The following KSR2 variants were observed in gnomAD, a reference collection of about 807,000 sequenced individuals.
KSR2 encodes kinase suppressor of ras 2.
KSR2 carries 25 observed loss-of-function variants against 107.8 expected under a neutral mutation model. The observed-to-expected ratio is 0.23, with a 90% confidence interval of 0.17 to 0.32. The LOEUF (loss-of-function observed/expected upper bound fraction) is 0.32. Ranked by LOEUF, KSR2 falls within the 10% of genes least tolerant of loss-of-function variation. KSR2 has a pLI of 1.00. For missense variants in KSR2, 887 were observed against 1,268.9 expected (o/e 0.70, Z 4.57); for synonymous variants, 480 against 507.0 (o/e 0.95, Z 0.71).
chr12:117,695,128 C>G (rs1326012391), intron 4 of KSR2, among the ~76,000 whole-genome samples: 1 of 151,938 alleles, frequency 6.6e-6, no homozygotes, highest in African/African-American at 2.4e-5. Context: ...GGATTACAGG[C>G]GTGAGCCACC....
At chr12:117,544,976 G>A (rs2137300540) in intron 9 of KSR2, among the ~76,000 whole-genome samples, 1 of 152,214 alleles carries the variant, frequency 6.6e-6, no homozygotes, top group South Asian at 2.1e-4. Context: ...TATTTTAGGT[G>A]CTTTTATCAA....
intron 5 of KSR2, among the ~76,000 whole-genome samples, chr12:117,646,295 G>C (rs957018402): frequency 6.6e-6 from 1 of 152,140 alleles, no homozygotes; most frequent in Non-Finnish European, 1.5e-5. Context: ...CTTGTTATTT[G>C]GCCCTCTGCA....
At chr12:117,593,223 T>C (rs1880429408) in intron 5 of KSR2, among the ~76,000 whole-genome samples, 2 of 152,146 alleles carry the variant, frequency 1.3e-5, no homozygotes, top group South Asian at 4.2e-4. Flanking sequence ...TGGCTCGGAC[T>C]TAAACGAGGA....
intron 3 of KSR2, among the ~76,000 whole-genome samples, chr12:117,816,332 C>T (rs569143719): frequency 2.0e-5 from 3 of 152,234 alleles, no homozygotes; most frequent in South Asian, 4.2e-4. Flanking sequence ...CATCAACCTC[C>T]AGCCATGTGA....
At chr12:117,546,052 C>G (rs1327984698) in intron 9 of KSR2, among the ~76,000 whole-genome samples, 3 of 152,174 alleles carry the variant, frequency 2.0e-5, no homozygotes, top group East Asian at 3.8e-4. Context: ...ATTGTATCTA[C>G]TAGTATTTGT....
intron 1 of KSR2, among the ~76,000 whole-genome samples, chr12:117,925,958 A>T (rs1473328138): frequency 2.6e-5 from 4 of 152,198 alleles, no homozygotes; most frequent in East Asian, 1.9e-4. Context: ...GCACTTTGGG[A>T]GGCTGAGGCG....
At chr12:117,624,312 C>T (rs2136348981) in intron 5 of KSR2, among the ~76,000 whole-genome samples, 1 of 152,270 alleles carries the variant, frequency 6.6e-6, no homozygotes, top group African/African-American at 2.4e-5. Context: ...TGCCTATGTC[C>T]TGAATGTATT....
intron 3 of KSR2, among the ~76,000 whole-genome samples, chr12:117,819,400 A>C (rs1221896503): frequency 1.3e-5 from 2 of 152,238 alleles, no homozygotes; most frequent in African/African-American, 2.4e-5. Context: ...AGGGATCCAG[A>C]GTTGCTGAGA....
chr12:117,545,574 A>G (rs1381226850), intron 9 of KSR2, among the ~76,000 whole-genome samples: 1 of 152,176 alleles, frequency 6.6e-6, no homozygotes, highest in Non-Finnish European at 1.5e-5. Flanking sequence ...TATAAAATGT[A>G]TATGTGTAGC....
At chr12:117,628,020 C>T (rs1377417228) in intron 5 of KSR2, among the ~76,000 whole-genome samples, 3 of 152,102 alleles carry the variant, frequency 2.0e-5, no homozygotes, top group African/African-American at 7.2e-5. Context: ...GCACGCGTCA[C>T]GAAGTTCTCG....
intron 1 of KSR2, among the ~76,000 whole-genome samples, chr12:117,888,302 A>T (rs1894238269): frequency 6.6e-6 from 1 of 152,222 alleles, no homozygotes; most frequent in Non-Finnish European, 1.5e-5. Flanking sequence ...TATACAAATA[A>T]ATGTTCCACC....
chr12:117,747,738 A>G (rs977021406), intron 4 of KSR2, among the ~76,000 whole-genome samples: 3 of 152,232 alleles, frequency 2.0e-5, no homozygotes, highest in African/African-American at 7.2e-5. Context: ...ATTGCAAATT[A>G]AAACCACAAT....
At chr12:117,702,375 A>G (rs1886365499) in intron 4 of KSR2, among the ~76,000 whole-genome samples, 1 of 140,134 alleles carries the variant, frequency 7.1e-6, no homozygotes, top group South Asian at 2.3e-4. Context: ...TCACCGAGCT[A>G]TCTACACAGC....
chr12:117,889,895 G>A (rs1894288956), intron 1 of KSR2, among the ~76,000 whole-genome samples: 1 of 152,142 alleles, frequency 6.6e-6, no homozygotes, highest in Non-Finnish European at 1.5e-5. Flanking sequence ...CCACAACAGG[G>A]AGGTATTCAC....
In KSR2 at chr12:117,543,704, C is replaced by T. The variant is rs116307131; in HGVS notation, c.1519-3817G>A. Among the ~76,000 whole-genome samples the T allele has an allele frequency of 3.7e-3, 571 of 152,300 alleles. 4 individuals are homozygous for T. The highest frequency in any genetic ancestry group is 0.013 in the African/African-American group (540 of 41,560). On this transcript the variant is annotated intron_variant, in intron 9 of 19. Transcript: ENST00000339824. Reference sequence around the variant, plus strand: ...TATGGGTATCAGTTTCCTAGGACTGCTGTAACAAAGTACCATAAACTGAGT... The same window carrying T: ...TATGGGTATCAGTTTCCTAGGACTGTTGTAACAAAGTACCATAAACTGAGT...
chr12:117,802,230 C>T (rs987805573), intron 3 of KSR2, among the ~76,000 whole-genome samples: 18 of 152,026 alleles, frequency 1.2e-4, no homozygotes, highest in African/African-American at 3.9e-4. Flanking sequence ...TCTCCCAAGC[C>T]GTTGGTGTAG....
At chr12:117,630,628 G>T (rs1382963443) in intron 5 of KSR2, among the ~76,000 whole-genome samples, 1 of 152,172 alleles carries the variant, frequency 6.6e-6, no homozygotes, top group African/African-American at 2.4e-5. Context: ...GGGAAACGAG[G>T]AGTTAGGAGA....
chr12:117,836,690 G>T lies in KSR2; in HGVS notation c.472+18738C>A, dbSNP rs78212478. Among the ~76,000 whole-genome samples, 985 of 152,312 alleles carry T rather than the reference G, an allele frequency of 6.5e-3. 12 individuals carry two copies. Among genetic ancestry groups the T allele is most frequent in the African/African-American group, 0.022 (915 of 41,564 alleles). On this transcript the variant is annotated intron_variant, in intron 3 of 19. Transcript: ENST00000339824. ...GGCAGCTGAATGACGCAGCCGGGAGGCCCAGCCCCTTGCCAACTGTGGCCC... is the reference window on the plus strand; with the variant it reads ...GGCAGCTGAATGACGCAGCCGGGAGTCCCAGCCCCTTGCCAACTGTGGCCC...
intron 3 of KSR2, among the ~76,000 whole-genome samples, chr12:117,794,432 ACTCACACCAAC>A (rs1890514860): frequency 1.1e-5 from 1 of 91,268 alleles, no homozygotes; most frequent in African/African-American, 4.6e-5. Context: ...CAACATGCAC[ACTCACACCAAC>A]ATGCACACAC....
Sources: gnomAD v4.1 joint callset for allele counts (sites outside exome capture counted in the v4.1 genomes callset) on GRCh38, gnomAD v4.1.1 for gene constraint, MANE v1.5 for transcripts, NCBI Gene and HGNC (gene_info 2026-07-23, HGNC 2026-07-21) for gene names.